PRKN: variants seen among roughly 807,000 people sequenced by gnomAD.
PRKN encodes the protein E3 ubiquitin-protein ligase parkin.
In PRKN, 56 loss-of-function variants were observed where a neutral mutation model predicts 59.5. The ratio of observed to expected loss-of-function variants is 0.94; its 90% CI spans 0.76 to 1.18. The LOEUF is 1.18. Among genes scored for constraint, PRKN ranks in the 50% most tolerant of loss-of-function variants. The pLI is 0.00. For synonymous variants in PRKN, 250 were observed against 222.1 expected, an observed-to-expected ratio of 1.13 and a Z score of -1.12; for missense variants, 657 against 596.4, an observed-to-expected ratio of 1.10 and a Z score of -1.06.
intron 10 of PRKN, among the ~76,000 whole-genome samples, chr6:161,368,746 G>A (rs1469989151): frequency 1.3e-5 from 2 of 150,730 alleles, no homozygotes. Flanking sequence ...CTGGGCCATC[G>A]CTGCTGCCTG....
chr6:162,077,261 GT>G (rs1211228885), intron 4 of PRKN, among the ~76,000 whole-genome samples: 2 of 152,102 alleles, frequency 1.3e-5, no homozygotes, highest in Non-Finnish European at 2.9e-5. Context: ...TGTTGTCCAT[GT>G]TTACAGCCTC....
In PRKN at chr6:161,347,606, C is replaced by CCTTTTTGTTTTTTTTTT. The variant is rs1562383605; in HGVS notation, c.*2492_*2493insAAAAAAAAAACAAAAAG. The CCTTTTTGTTTTTTTTTT allele has an allele frequency of 7.4e-6, 1 of 134,762 alleles. No individual in the cohort carries two copies. The highest frequency in any genetic ancestry group is 1.6e-5 in the Non-Finnish European group (1 of 62,992). The allele number at this position is 134,762 out of a possible 1,614,324, so 8.3% of individuals were successfully genotyped here. A position where few individuals can be genotyped will look rare whatever the true frequency, so the allele number is the denominator to read the frequency against. ...TGTTCATGTGTAGTGGATGATCTTG[C>CCTTTTTGTTTTTTTTTT]TTTTTTGTTTTTGTTTTTTTTTTTT... On this transcript the variant is annotated 3_prime_UTR_variant, in exon 12 of 12. Coordinates refer to ENST00000366898, the MANE Select transcript of PRKN (RefSeq NM_004562.3).
At chr6:162,450,003 G>A (rs1321164096) in intron 1 of PRKN, among the ~76,000 whole-genome samples, 2 of 152,194 alleles carry the variant, frequency 1.3e-5, no homozygotes, top group Non-Finnish European at 2.9e-5. Context: ...TGGGCCAGCA[G>A]GCACTTTGGT....
At chr6:162,366,759 G>C (rs549527513) in intron 2 of PRKN, among the ~76,000 whole-genome samples, 14 of 152,120 alleles carry the variant, frequency 9.2e-5, no homozygotes, top group African/African-American at 3.4e-4. Flanking sequence ...TACAAAATTA[G>C]CTGGGTGTGG....
intron 1 of PRKN, among the ~76,000 whole-genome samples, chr6:162,677,743 G>T (rs1779609853): frequency 6.6e-6 from 1 of 152,132 alleles, no homozygotes; most frequent in Non-Finnish European, 1.5e-5. Context: ...GTGTTGGCTA[G>T]CTTGCAAATT....
intron 9 of PRKN, among the ~76,000 whole-genome samples, chr6:161,434,004 C>T (rs1057055749): frequency 5.5e-5 from 7 of 127,978 alleles, no homozygotes; most frequent in South Asian, 3.1e-4. Flanking sequence ...GTGACAAGAG[C>T]GAAACTCCAT....
At chr6:161,638,277 C>A (rs925679198) in intron 7 of PRKN, among the ~76,000 whole-genome samples, 4 of 151,906 alleles carry the variant, frequency 2.6e-5, no homozygotes, top group Admixed American at 2.6e-4. Context: ...GGACTACAGG[C>A]ACATGCCACC....
chr6:162,301,954 T>C (rs1781979931), intron 2 of PRKN, among the ~76,000 whole-genome samples: 1 of 152,172 alleles, frequency 6.6e-6, no homozygotes, highest in Non-Finnish European at 1.5e-5. Flanking sequence ...CATTCTGATA[T>C]CCTGTTAGAC....
At chr6:162,727,604 C>A in intron 1 of PRKN, 58 bp downstream of exon 1, 2 of 1,539,572 alleles carry the variant, frequency 1.3e-6, no homozygotes, top group Non-Finnish European at 8.8e-7. Flanking sequence ...CGGGGCGTGG[C>A]GCCATACCGG....
intron 9 of PRKN, among the ~76,000 whole-genome samples, chr6:161,415,706 C>T (rs919855215): frequency 7.3e-5 from 11 of 151,116 alleles, no homozygotes; most frequent in African/African-American, 2.4e-4. Context: ...TGCCCGGCCC[C>T]TCCTGAGCTT....
chr6:161,840,982 A>C (rs756156453), intron 6 of PRKN, among the ~76,000 whole-genome samples: 1 of 152,232 alleles, frequency 6.6e-6, no homozygotes, highest in African/African-American at 2.4e-5. Context: ...TTGTAAAAAA[A>C]GTTCAGCCAC....
chr6:162,557,545 G>T (rs1387508266), intron 1 of PRKN, among the ~76,000 whole-genome samples: 2 of 152,092 alleles, frequency 1.3e-5, no homozygotes, highest in Non-Finnish European at 2.9e-5. Context: ...ATAGAGTCTT[G>T]CTCTGTCTCC....
At chr6:161,368,287 TTATATATATTTATATATATTTG>T (rs1312974681) in intron 10 of PRKN, among the ~76,000 whole-genome samples, 45 of 126,136 alleles carry the variant, frequency 3.6e-4, no homozygotes, top group East Asian at 1.4e-3. Flanking sequence ...ATGTATATAT[TTATATATATTTATATATATTTG>T]TATATATATT....
intron 9 of PRKN, among the ~76,000 whole-genome samples, chr6:161,514,609 G>A (rs1256199338): frequency 6.6e-6 from 1 of 152,116 alleles, no homozygotes; most frequent in Non-Finnish European, 1.5e-5. Flanking sequence ...TTAGGAGGGA[G>A]GTGATGGGTG....
At chr6:161,558,531 C>T (rs1278000507) in intron 8 of PRKN, among the ~76,000 whole-genome samples, 2 of 151,126 alleles carry the variant, frequency 1.3e-5, no homozygotes, top group Non-Finnish European at 2.9e-5. Context: ...CACCACTGCA[C>T]TCTAGCTTGG....
chr6:162,024,194 C>CA (rs1783326691), intron 5 of PRKN, among the ~76,000 whole-genome samples: 2 of 82,080 alleles, frequency 2.4e-5, no homozygotes, highest in Non-Finnish European at 4.3e-5. Context: ...TCCCCCAACC[C>CA]TTTTTTTTTT....
intron 9 of PRKN, among the ~76,000 whole-genome samples, chr6:161,430,041 G>T (rs1788569056): frequency 6.6e-6 from 1 of 152,294 alleles, no homozygotes; most frequent in East Asian, 1.9e-4. Context: ...AAATGGACCA[G>T]ATGGCAGCTG....
chr6:162,557,628 C>G (rs1269224521), intron 1 of PRKN, among the ~76,000 whole-genome samples: 1 of 152,192 alleles, frequency 6.6e-6, no homozygotes. Flanking sequence ...TATGCCTCAG[C>G]CTCCCGAGTA....
At chr6:162,272,601 C>T (rs938874303) in intron 2 of PRKN, among the ~76,000 whole-genome samples, 7 of 152,066 alleles carry the variant, frequency 4.6e-5, no homozygotes, top group African/African-American at 1.2e-4. Context: ...GTTTATGCCA[C>T]GCTTCCCAAA....
Sources: gnomAD v4.1 joint callset for allele counts (sites outside exome capture counted in the v4.1 genomes callset) on GRCh38, gnomAD v4.1.1 for gene constraint, MANE v1.5 for transcripts, NCBI Gene and HGNC (gene_info 2026-07-23, HGNC 2026-07-21) for gene names.